MAGI2: variants seen among roughly 807,000 people sequenced by gnomAD.
The protein encoded by MAGI2 is membrane associated guanylate kinase, WW and PDZ domain containing 2, also known as membrane-associated guanylate kinase, WW and PDZ domain-containing protein 2.
Under a neutral mutation model 133.3 loss-of-function variants are expected in MAGI2, and 35 were observed. That is an observed-to-expected ratio of 0.26 (90% confidence interval 0.20 to 0.35). The LOEUF (loss-of-function observed/expected upper bound fraction) is 0.35, where lower values mean the gene tolerates loss of function less well. Ranked by LOEUF, MAGI2 falls within the 10% of genes least tolerant of loss-of-function variation. The pLI, the probability that MAGI2 is intolerant of heterozygous loss-of-function variation, is 1.00. For missense variants in MAGI2, 1,636 were observed against 1,863.4 expected, an observed-to-expected ratio of 0.88 and a Z score of 2.25; for synonymous variants, 729 against 710.6, an observed-to-expected ratio of 1.03 and a Z score of -0.41.
intron 3 of MAGI2, among the ~76,000 whole-genome samples, chr7:78,588,125 T>A (rs1173025652): frequency 1.3e-5 from 2 of 152,196 alleles, no homozygotes; most frequent in Admixed American, 6.5e-5. Flanking sequence ...CTGAACAACA[T>A]CGAGTGTCAC....
intron 21 of MAGI2, among the ~76,000 whole-genome samples, chr7:78,020,493 C>A (rs1808279099): frequency 6.6e-6 from 1 of 152,000 alleles, no homozygotes; most frequent in Admixed American, 6.5e-5. Context: ...GCAGGGGTGT[C>A]CAATCTTTTG....
At chr7:79,020,180 GGA>G (rs1809157143) in intron 1 of MAGI2, among the ~76,000 whole-genome samples, 1 of 152,154 alleles carries the variant, frequency 6.6e-6, no homozygotes, top group East Asian at 1.9e-4. Flanking sequence ...CAAAGAGATT[GGA>G]GGCATTTTGT....
intron 9 of MAGI2, among the ~76,000 whole-genome samples, chr7:78,261,018 C>T (rs1177808433): frequency 6.6e-6 from 1 of 152,066 alleles, no homozygotes; most frequent in African/African-American, 2.4e-5. Context: ...TTCTTTGAGT[C>T]ACTGTGGCCT....
At chr7:78,188,162 A>C (rs1003388281) in intron 12 of MAGI2, among the ~76,000 whole-genome samples, 1 of 152,210 alleles carries the variant, frequency 6.6e-6, no homozygotes, top group African/African-American at 2.4e-5. Flanking sequence ...ATACCATGGT[A>C]ATTTCCTGTT....
chr7:79,053,288 T>C (rs186054224), intron 1 of MAGI2, among the ~76,000 whole-genome samples: 7 of 152,230 alleles, frequency 4.6e-5, no homozygotes. Flanking sequence ...TCTTATATAC[T>C]GTGATACTAT....
intron 1 of MAGI2, among the ~76,000 whole-genome samples, chr7:79,318,204 G>A (rs373425921): frequency 1.5e-3 from 234 of 152,076 alleles, no homozygotes; most frequent in African/African-American, 5.4e-3. Flanking sequence ...TATATATTCA[G>A]GTGCCAAAAG....
At chr7:78,987,117 A>G (rs1335099995) in intron 2 of MAGI2, among the ~76,000 whole-genome samples, 1 of 152,058 alleles carries the variant, frequency 6.6e-6, no homozygotes, top group East Asian at 1.9e-4. Context: ...ACAGAAGGTC[A>G]ATACAACTGG....
At chr7:78,665,958 T>C (rs1332500244) in intron 2 of MAGI2, among the ~76,000 whole-genome samples, 2 of 152,110 alleles carry the variant, frequency 1.3e-5, no homozygotes, top group African/African-American at 2.4e-5. Context: ...TAGGGTGATG[T>C]CAAGCTTAGT....
intron 2 of MAGI2, among the ~76,000 whole-genome samples, chr7:78,913,888 T>C (rs766935792): frequency 3.3e-5 from 5 of 152,178 alleles, no homozygotes; most frequent in Non-Finnish European, 4.4e-5. Context: ...CAGATCAGTA[T>C]CACCTGGAAC....
At chr7:79,251,511 G>A (rs909484867) in intron 1 of MAGI2, among the ~76,000 whole-genome samples, 1 of 152,100 alleles carries the variant, frequency 6.6e-6, no homozygotes, top group Non-Finnish European at 1.5e-5. Flanking sequence ...TTGATCATAA[G>A]AGAAATGCAA....
chr7:78,757,305 T>TTCTCTCTC (rs3086250), intron 2 of MAGI2, among the ~76,000 whole-genome samples: 7 of 145,292 alleles, frequency 4.8e-5, no homozygotes, highest in South Asian at 2.3e-4. Context: ...TTCTCCCTCC[T>TTCTCTCTC]TCTCTCTCTC....
chr7:78,961,444 G>A (rs1197997573), intron 2 of MAGI2, among the ~76,000 whole-genome samples: 1 of 152,014 alleles, frequency 6.6e-6, no homozygotes, highest in Admixed American at 6.6e-5. Flanking sequence ...GGCTCTTACT[G>A]GATTACGTAC....
chr7:79,386,896 G>C (rs1844220405), intron 1 of MAGI2, among the ~76,000 whole-genome samples: 1 of 151,920 alleles, frequency 6.6e-6, no homozygotes, highest in South Asian at 2.1e-4. Flanking sequence ...CAGCAACAAG[G>C]AGCCATTCTG....
At chr7:78,763,256 G>A (rs1417747455) in intron 2 of MAGI2, among the ~76,000 whole-genome samples, 1 of 152,236 alleles carries the variant, frequency 6.6e-6, no homozygotes, top group East Asian at 1.9e-4. Context: ...TCCCAGAGTA[G>A]CAACTATATA....
At chr7:79,209,198 A>G (rs1829301439) in intron 1 of MAGI2, among the ~76,000 whole-genome samples, 2 of 148,602 alleles carry the variant, frequency 1.3e-5, no homozygotes, top group African/African-American at 5.3e-5. Context: ...AATAATAACT[A>G]TGTGAGATAA....
chr7:78,478,917 A>G (rs899998903), intron 6 of MAGI2, among the ~76,000 whole-genome samples: 1 of 152,072 alleles, frequency 6.6e-6, no homozygotes, highest in South Asian at 2.1e-4. Flanking sequence ...AAAGGGGGAG[A>G]GTAACTGGGA....
chr7:78,395,308 C>A (rs1440274452), intron 6 of MAGI2, among the ~76,000 whole-genome samples: 1 of 152,026 alleles, frequency 6.6e-6, no homozygotes, highest in Non-Finnish European at 1.5e-5. Flanking sequence ...ATTTTAAAGT[C>A]CAATGGAAAA....
At chr7:78,801,448 A>G (rs1788045257) in intron 2 of MAGI2, among the ~76,000 whole-genome samples, 2 of 152,140 alleles carry the variant, frequency 1.3e-5, no homozygotes, top group Non-Finnish European at 2.9e-5. Context: ...ACAAGGTTTG[A>G]GTCCATTGTC....
rs904100775 is a variant in MAGI2, at chr7:79,184,724, T to C, written c.302-177518A>G. 2.5e-4 allele frequency among the ~76,000 whole-genome samples: 38 copies of C among 151,940 alleles called. 1 individual carries two copies. Among genetic ancestry groups the C allele is most frequent in the African/African-American group, 9.2e-4 (38 of 41,440 alleles). On this transcript the variant is annotated intron_variant, in intron 1 of 21. Transcript: ENST00000354212. ...GGTTACTAATATTTGCAAACTTAAA[T>C]GCAATTGAAATGAGCATTAACTGCA...
Sources: allele counts gnomAD v4.1 joint callset (sites outside exome capture counted in the v4.1 genomes callset), GRCh38; gene constraint gnomAD v4.1.1; transcripts MANE v1.5; gene names NCBI Gene and HGNC (gene_info 2026-07-23, HGNC 2026-07-21).